Variants in SEMA4C observed in about 807,000 individuals in gnomAD.
The protein encoded by SEMA4C is semaphorin-4C.
SEMA4C carries 19 observed loss-of-function variants against 89.0 expected under a neutral mutation model. That is an observed-to-expected ratio of 0.21 (90% confidence interval 0.15 to 0.31). The LOEUF is 0.31. Among genes scored for constraint, SEMA4C ranks in the 10% least tolerant of loss-of-function variants. The pLI, the probability that SEMA4C is intolerant of heterozygous loss-of-function variation, is 1.00. For synonymous variants in SEMA4C, 428 were observed against 472.7 expected (o/e 0.91, Z 1.23); for missense variants, 811 against 1,107.0 (o/e 0.73, Z 3.79).
intron 2 of SEMA4C, 85 bp downstream of exon 2, chr2:96,867,693 C>T: frequency 3.8e-6 from 5 of 1,330,690 alleles, no homozygotes; most frequent in Non-Finnish European, 5.3e-6. Flanking sequence ...CTGTGCCACA[C>T]ACGTGAGAAT....
chr2:96,868,035 G>A, intron 1 of SEMA4C, 112 bp from the exon 2 acceptor site: 3 of 1,400,202 alleles, frequency 2.1e-6, no homozygotes, highest in Non-Finnish European at 1.9e-6. Context: ...GAGCCCCGGT[G>A]CCCTCCTTCC....
At chr2:96,863,200 A>G (rs942471481) in intron 12 of SEMA4C, 25 of 976,928 alleles carry the variant, frequency 2.6e-5, no homozygotes, top group Non-Finnish European at 3.0e-5. Flanking sequence ...ACAGAGTGAG[A>G]CTCCATCTCA....
rs757993026 is a variant in SEMA4C at position 96,867,764 on chromosome 2, C to T, written c.109+14G>A. On this transcript the variant is annotated intron_variant, in intron 2 of 14. Coordinates refer to ENST00000305476, the MANE Select transcript of SEMA4C (RefSeq NM_017789.5). The stretch of plus-strand genomic sequence containing the variant: ...CCTGTCCCTGACTTCCTCCTCACCC[C>T]TCCAGGCACTCACCCCCAGAAGACA... 1.1e-5 allele frequency: 18 copies of T among 1,612,492 alleles called. No homozygotes were observed. Among genetic ancestry groups the T allele is most frequent in the African/African-American group, 2.7e-5 (2 of 74,894 alleles).
In SEMA4C at chr2:96,861,126, C is replaced by T. The variant is rs2153361671; in HGVS notation, c.2002G>A (p.Ala668Thr). The change falls in exon 15 of 15, where the codon GCG (alanine) becomes ACG (threonine). Residue 668 changes from alanine (A) to threonine (T), a missense_variant. Transcript: ENST00000305476. The surrounding 1 kb of genome is among the most constrained non-coding windows in gnomAD (Gnocchi z 7.8). ...CACACAGCCCCCAGGGCCACCACCGCCAGCCACACCAGCCCCAGGTTTTCC... is the reference window on the plus strand; with the variant it reads ...CACACAGCCCCCAGGGCCACCACCGTCAGCCACACCAGCCCCAGGTTTTCC... ...PLENLGLVWL[A>T]VVALGAVCLV... 2 of 1,611,462 alleles carry T rather than the reference C, an allele frequency of 1.2e-6. No individual in the cohort carries two copies. Among genetic ancestry groups the T allele is most frequent in the Non-Finnish European group, 1.7e-6 (2 of 1,179,668 alleles).
rs2079913044 is a variant in SEMA4C at position 96,860,378 on chromosome 2, G to C, written c.*248C>G. The C allele has an allele frequency of 2.0e-6, 1 of 508,306 alleles. No individual in the cohort carries two copies. Among genetic ancestry groups the C allele is most frequent in the Non-Finnish European group, 3.5e-6 (1 of 289,314 alleles). The allele number at this position is 508,306 out of a possible 1,614,324, so 31.5% of individuals were successfully genotyped here. A position where few individuals can be genotyped will look rare whatever the true frequency, so the allele number is the denominator to read the frequency against. On this transcript the variant is annotated 3_prime_UTR_variant, in exon 15 of 15. Transcript: ENST00000305476. Reference sequence around the variant, plus strand: ...TCTGCCTTGAAAAGTTTTGGCGGCTGGGGTCCCGCGTGTCTGTGATTCACA... The same window carrying C: ...TCTGCCTTGAAAAGTTTTGGCGGCTCGGGTCCCGCGTGTCTGTGATTCACA...
At chr2:96,863,875 C>A (rs545178668) in intron 11 of SEMA4C, 51 bp downstream of exon 11, 2 of 1,595,112 alleles carry the variant, frequency 1.3e-6, no homozygotes, top group South Asian at 2.2e-5. Flanking sequence ...CCTGGGCACA[C>A]GGGCTTCTGC....
intron 7 of SEMA4C, 26 bp downstream of exon 7, chr2:96,865,178 C>T (rs1364995685): frequency 1.2e-6 from 2 of 1,610,262 alleles, no homozygotes; most frequent in African/African-American, 2.7e-5. Context: ...CCACCCATGG[C>T]TCCCACAGGC....
chr2:96,870,809 C>T, upstream of SEMA4C: 2 of 957,828 alleles, frequency 2.1e-6, no homozygotes, highest in Non-Finnish European at 1.2e-6. Context: ...CCACCGCCAC[C>T]TTCAGAACCA....
intron 1 of SEMA4C, chr2:96,868,286 C>A (rs1331874332): frequency 2.1e-6 from 1 of 479,660 alleles, no homozygotes; most frequent in Non-Finnish European, 3.1e-6. Flanking sequence ...CTTGAAAGAA[C>A]CTCAGGCAGC....
At chr2:96,869,080 C>T in intron 1 of SEMA4C, 1 of 985,364 alleles carries the variant, frequency 1.0e-6, no homozygotes, top group Non-Finnish European at 1.2e-6. Context: ...GTGGCGAGCC[C>T]GGCCTGCGGA....
intron 12 of SEMA4C, 163 bp from the exon 13 acceptor site, chr2:96,862,057 A>T (rs1459864127): frequency 1.4e-6 from 1 of 737,830 alleles, no homozygotes; most frequent in East Asian, 2.7e-5. Context: ...TATAGTGCTG[A>T]AAAGGGAACT....
At chr2:96,868,806 G>A (rs2153365871) in intron 1 of SEMA4C, 4 of 985,308 alleles carry the variant, frequency 4.1e-6, no homozygotes, top group Non-Finnish European at 4.8e-6. Context: ...CGCCGCGCAC[G>A]GCCGGCACCC....
rs1276649537 is a variant in SEMA4C at position 96,864,435 on chromosome 2, C to A, written c.963-53G>T. On this transcript the variant is annotated intron_variant, in intron 9 of 14. Transcript: ENST00000305476. This position sits in a 1 kb window ranked among gnomAD's most constrained non-coding sequence, Gnocchi z 6.3. ...CAGGTACCCACCTTATCTCTTCCCA[C>A]CCCAGCTAAGGGCAAGCAGCAGGAA... The A allele has an allele frequency of 5.0e-6, 8 of 1,604,374 alleles. No homozygotes were observed. The highest frequency in any genetic ancestry group is 1.7e-4 in the Middle Eastern group (1 of 6,006).
intron 1 of SEMA4C, 188 bp downstream of exon 1, chr2:96,869,688 G>C (rs1231433109): frequency 2.0e-6 from 2 of 985,030 alleles, no homozygotes. Context: ...CCCCACTCCC[G>C]AGACCCTGCG....
chr2:96,865,905 T>G lies in SEMA4C; in HGVS notation c.283A>C (p.Lys95Gln). ...CCTTTCTGGATACACTCAGTCTTCT[T>G]CTCCACGGGGGCCTCCCAGGAGATC... ...GAISWEAPVE[K>Q]KTECIQKGKN... Residue 95 changes from lysine to glutamine, a missense_variant, in exon 4 of 15, where the codon AAG becomes CAG. Physicochemically the swap from Lys to Gln is moderately conservative, Grantham distance 53. Around this residue, in one of 4 missense-constraint regions of SEMA4C, gnomAD observed 119 missense variants for 152.7 expected, o/e 0.78. Transcript: ENST00000305476. The G allele has an allele frequency of 6.2e-7, 1 of 1,613,910 alleles. No individual in the cohort carries two copies. The highest frequency in any genetic ancestry group is 8.5e-7 in the Non-Finnish European group (1 of 1,179,970).
In SEMA4C at chr2:96,864,534, C is replaced by T. The variant is rs2080025183; in HGVS notation, c.963-152G>A. 1 of 1,383,422 alleles carries T rather than the reference C, an allele frequency of 7.2e-7. No homozygotes were observed. Among genetic ancestry groups the T allele is most frequent in the Non-Finnish European group, 9.9e-7 (1 of 1,014,230 alleles). The allele number at this position is 1,383,422 out of a possible 1,614,324, so 85.7% of individuals were successfully genotyped here. A position where few individuals can be genotyped will look rare whatever the true frequency, so the allele number is the denominator to read the frequency against. On this transcript the variant is annotated intron_variant, in intron 9 of 14. Coordinates refer to ENST00000305476, the MANE Select transcript of SEMA4C (RefSeq NM_017789.5). This position sits in a 1 kb window ranked among gnomAD's most constrained non-coding sequence, Gnocchi z 6.3. ...CTCAAGTGCCACCTGGCATGGGGCC[C>T]TGCCCCTTCACAGGCAGCTCTGAAA...
intron 12 of SEMA4C, chr2:96,863,034 G>GAAAACA (rs2079987451): frequency 1.3e-5 from 2 of 159,560 alleles, no homozygotes; most frequent in African/African-American, 2.4e-5. Context: ...CCATCTCAAA[G>GAAAACA]AAAACAAAAA....
chr2:96,864,609 A>T lies in SEMA4C; in HGVS notation c.962+96T>A. ...GGCTTCTGGACACCTGGCTTCCGGG[A>T]CTGCCTCTGAGGCCTGGTCCAGGCT... On this transcript the variant is annotated intron_variant, in intron 9 of 14. Transcript: ENST00000305476. The surrounding 1 kb of genome is among the most constrained non-coding windows in gnomAD (Gnocchi z 6.3). 2 of 1,455,888 alleles carry T rather than the reference A, an allele frequency of 1.4e-6. No individual in the cohort carries two copies. Among genetic ancestry groups the T allele is most frequent in the Non-Finnish European group, 1.9e-6 (2 of 1,076,468 alleles). 90.2% of individuals were successfully genotyped at this position (1,455,888 alleles called of 1,614,324 possible).
upstream of SEMA4C, chr2:96,870,467 G>C (rs139890256): frequency 3.9e-3 from 3,648 of 944,208 alleles, 6 homozygotes; most frequent in Non-Finnish European, 4.4e-3. Context: ...AACGACCGCG[G>C]GCGAGCCACG....
Sources: gnomAD v4.1 joint callset for allele counts on GRCh38, gnomAD v4.1.1 for gene constraint, gnomAD v4.1.1 regional missense constraint, Gnocchi (gnomAD v3.1) non-coding constraint, MANE v1.5 for transcripts, NCBI Gene and HGNC (gene_info 2026-07-23, HGNC 2026-07-21) for gene names.